The following GLB1L2 variants were observed in gnomAD, a reference collection of about 807,000 sequenced individuals.
GLB1L2 encodes the protein galactosidase beta 1 like 2, also known as beta-galactosidase-1-like protein 2.
A neutral mutation model predicts 84.1 loss-of-function variants in GLB1L2; 68 were observed. The ratio of observed to expected loss-of-function variants is 0.81; its 90% CI spans 0.67 to 0.99. The LOEUF is 0.99. Ranked by LOEUF, GLB1L2 falls within the 50% of genes least tolerant of loss-of-function variation. The pLI, the probability that GLB1L2 is intolerant of heterozygous loss-of-function variation, is 0.00. For missense variants in GLB1L2, 762 were observed against 805.6 expected (o/e 0.95, Z 0.66); for synonymous variants, 290 against 318.0 (o/e 0.91, Z 0.94).
In GLB1L2 at chr11:134,371,464, C is replaced by T. The variant is rs770310631; in HGVS notation, c.1400C>T (p.Thr467Ile). 6.3e-7 allele frequency: 1 copy of T among 1,598,382 alleles called. No individual in the cohort carries two copies. The highest frequency in any genetic ancestry group is 8.6e-7 in the Non-Finnish European group (1 of 1,165,634). The change falls in exon 14 of 19, where the codon ACA becomes ATA. Residue 467 changes from threonine (T) to isoleucine (I), a missense_variant. By Grantham distance (89) the Thr-to-Ile change is moderately conservative (BLOSUM62 -1). This residue lies in a region of GLB1L2 where 603 missense variants were observed against 611.7 expected (regional missense o/e 0.99). Transcript: ENST00000535456. ...TCCATAGGATTCTTGGACTACAAGA[C>T]AACGAAGATTGCTGTCCCCCTGATC... ...TVSIGFLDYK[T>I]TKIAVPLIQG...
In GLB1L2 at chr11:134,347,374, T is replaced by C. The variant is rs759912036; in HGVS notation, c.499T>C (p.Phe167Leu). The C allele has an allele frequency of 6.2e-7, 1 of 1,614,204 alleles. No individual in the cohort carries two copies. Among genetic ancestry groups the C allele is most frequent in the Non-Finnish European group, 8.5e-7 (1 of 1,180,020 alleles). Reference sequence around the variant, plus strand: ...GAGGCTGAGGACAACTTACAAGGGCTTCACCGAAGCAGTGGACCTTTATTT... The same window carrying C: ...GAGGCTGAGGACAACTTACAAGGGCCTCACCGAAGCAGTGGACCTTTATTT... The part of the protein sequence containing the change: ...GMRLRTTYKG[F>L]TEAVDLYFDH... Residue 167 changes from phenylalanine (F) to leucine (L), a missense_variant, in exon 5 of 19, where the codon TTC (phenylalanine) becomes CTC (leucine). By Grantham distance (22) the Phe-to-Leu change is conservative. Transcript: ENST00000535456.
At chr11:134,360,354 AG>A (rs1943765334) in intron 7 of GLB1L2, 1 of 152,376 alleles carries the variant, frequency 6.6e-6, no homozygotes, top group African/African-American at 2.4e-5. Context: ...TTTTGTCCCC[AG>A]GCAGAGTCAG....
intron 1 of GLB1L2, among the ~76,000 whole-genome samples, 154 bp downstream of exon 1, chr11:134,332,301 C>T (rs1943310841): frequency 6.6e-6 from 1 of 152,104 alleles, no homozygotes; most frequent in Non-Finnish European, 1.5e-5. Context: ...CCCCCGAGTT[C>T]CCCTGCGGCT....
In GLB1L2 at chr11:134,375,072, C is replaced by T; in HGVS notation, c.*14C>T. On this transcript the variant is annotated 3_prime_UTR_variant, in exon 19 of 19. Coordinates refer to ENST00000535456, the MANE Select transcript of GLB1L2 (RefSeq NM_001370461.1). The stretch of plus-strand genomic sequence containing the variant: ...TACATTAAGTGAGCGGTGGCACCCC[C>T]TCCTGCTGGTGCCAGTGGGAGACTG... The T allele has an allele frequency of 6.2e-7, 1 of 1,609,868 alleles. No individual in the cohort carries two copies. Among genetic ancestry groups the T allele is most frequent in the East Asian group, 2.2e-5 (1 of 44,798 alleles).
At chr11:134,363,530 G>A (rs910708110) in intron 7 of GLB1L2, among the ~76,000 whole-genome samples, 2 of 152,230 alleles carry the variant, frequency 1.3e-5, no homozygotes, top group African/African-American at 4.8e-5. Context: ...GCCAAACAGA[G>A]CGCACCTTTC....
intron 8 of GLB1L2, 135 bp downstream of exon 8, chr11:134,364,533 A>G (rs1943840388): frequency 4.2e-6 from 3 of 712,320 alleles, no homozygotes; most frequent in Middle Eastern, 3.9e-4. Flanking sequence ...CCCCCCGCCC[A>G]TGCCACTGTG....
chr11:134,367,070 A>G, intron 8 of GLB1L2, 187 bp from the exon 9 acceptor site: 1 of 624,322 alleles, frequency 1.6e-6, no homozygotes. Flanking sequence ...CACATGTGGC[A>G]GGAGAACTGG....
At position 134,356,402 on chromosome 11, in the gene GLB1L2, CCT is replaced by C; in HGVS notation, c.651+12_651+13del. ...TGCCCTACGTCAAGAAGGTAAGAAT[CCT>C]CTTAGTGCGTTTCTTTAGATTCCTT... On this transcript the variant is annotated intron_variant, in intron 6 of 18. Coordinates refer to ENST00000535456, the MANE Select transcript of GLB1L2 (RefSeq NM_001370461.1). The C allele has an allele frequency of 6.3e-7, 1 of 1,588,844 alleles. No individual in the cohort carries two copies. Among genetic ancestry groups the C allele is most frequent in the Non-Finnish European group, 8.6e-7 (1 of 1,157,400 alleles).
chr11:134,347,791 T>C (rs990682492), intron 5 of GLB1L2, among the ~76,000 whole-genome samples: 3 of 152,218 alleles, frequency 2.0e-5, no homozygotes, highest in Non-Finnish European at 4.4e-5. Context: ...AACACCCATC[T>C]ATCTACCAGT....
At chr11:134,368,420 G>C (rs969445317) in intron 9 of GLB1L2, among the ~76,000 whole-genome samples, 1 of 152,192 alleles carries the variant, frequency 6.6e-6, no homozygotes. Flanking sequence ...AGGATTGACA[G>C]ACAACTGGAG....
intron 9 of GLB1L2, among the ~76,000 whole-genome samples, chr11:134,367,565 A>G (rs1943882276): frequency 6.6e-6 from 1 of 152,200 alleles, no homozygotes; most frequent in African/African-American, 2.4e-5. Context: ...TAGAAGGGTA[A>G]TGCATGCCTA....
intron 3 of GLB1L2, 133 bp from the exon 4 acceptor site, chr11:134,344,901 C>T (rs1943527838): frequency 2.8e-6 from 3 of 1,057,968 alleles, no homozygotes; most frequent in South Asian, 1.7e-5. Flanking sequence ...GTGGGAGTCC[C>T]CGCGCTTTGG....
At chr11:134,333,010 C>T (rs1262075278) in intron 1 of GLB1L2, among the ~76,000 whole-genome samples, 2 of 152,188 alleles carry the variant, frequency 1.3e-5, no homozygotes, top group African/African-American at 2.4e-5. Context: ...GGCCCTACGC[C>T]GCTCGGCTTT....
At chr11:134,371,580 C>A (rs997052918) in intron 14 of GLB1L2, 88 bp downstream of exon 14, 53 of 1,027,222 alleles carry the variant, frequency 5.2e-5, no homozygotes, top group Non-Finnish European at 7.8e-5. Context: ...CCTGGGAGAC[C>A]CGTGGCTCCT....
intron 2 of GLB1L2, among the ~76,000 whole-genome samples, chr11:134,344,008 G>A (rs542852999): frequency 7.2e-5 from 11 of 152,312 alleles, no homozygotes; most frequent in East Asian, 1.9e-4. Flanking sequence ...TCTGTTGCCC[G>A]TTTTGGAATT....
intron 5 of GLB1L2, among the ~76,000 whole-genome samples, chr11:134,352,414 T>C (rs962492671): frequency 2.0e-5 from 3 of 152,036 alleles, no homozygotes; most frequent in African/African-American, 7.2e-5. Flanking sequence ...AATTTTTCTT[T>C]ATTGTTTTTC....
chr11:134,333,405 A>C (rs1943334086), intron 1 of GLB1L2, among the ~76,000 whole-genome samples: 1 of 152,072 alleles, frequency 6.6e-6, no homozygotes, highest in Non-Finnish European at 1.5e-5. Context: ...CGCAAACCCC[A>C]GAAGAATTAC....
rs780925851 is a variant in GLB1L2 at position 134,332,035 on chromosome 11, C to T, written c.-27C>T. 1.3e-6 allele frequency: 2 copies of T among 1,511,674 alleles called. No homozygotes were observed. The highest frequency in any genetic ancestry group is 5.1e-5 in the East Asian group (2 of 38,886). 93.6% of individuals were successfully genotyped at this position (1,511,674 alleles called of 1,614,324 possible). A position where few individuals can be genotyped will look rare whatever the true frequency, so the allele number is the denominator to read the frequency against. On this transcript the variant is annotated 5_prime_UTR_variant, in exon 1 of 19. Transcript: ENST00000535456. ...CTGAGTGCGGACTGGAGTGGGAACC[C>T]GGGTCCCCGCGCTTAGAGAACACGC...
At position 134,334,194 on chromosome 11, in the gene GLB1L2, G is replaced by A. The variant is rs1555086110; in HGVS notation, c.86+2047G>A. Among the ~76,000 whole-genome samples the A allele has an allele frequency of 6.6e-6, 1 of 152,152 alleles. No individual in the cohort carries two copies. Among genetic ancestry groups the A allele is most frequent in the Non-Finnish European group, 1.5e-5 (1 of 68,032 alleles). On this transcript the variant is annotated intron_variant, in intron 1 of 18. Transcript: ENST00000535456. This position sits in a 1 kb window ranked among gnomAD's most constrained non-coding sequence, Gnocchi z 4.1. The stretch of plus-strand genomic sequence containing the variant: ...ACTGGGCAGTGTTGAGGTGGCCAGT[G>A]GAATATAGGTCACGTGGAAACTGGC...
Sources: gnomAD v4.1 joint callset for allele counts (sites outside exome capture counted in the v4.1 genomes callset) on GRCh38, gnomAD v4.1.1 for gene constraint, gnomAD v4.1.1 regional missense constraint, Gnocchi (gnomAD v3.1) non-coding constraint, MANE v1.5 for transcripts, NCBI Gene and HGNC (gene_info 2026-07-23, HGNC 2026-07-21) for gene names.